The following ALPK2 variants were observed in gnomAD, a reference collection of about 807,000 sequenced individuals.
ALPK2 encodes the protein alpha-protein kinase 2.
ALPK2 carries 127 observed loss-of-function variants against 163.1 expected under a neutral mutation model. The ratio of observed to expected loss-of-function variants is 0.78; its 90% CI spans 0.67 to 0.90. The LOEUF (loss-of-function observed/expected upper bound fraction) is 0.90. Among genes scored for constraint, ALPK2 ranks in the 40% least tolerant of loss-of-function variants. The pLI is 0.00. For missense variants in ALPK2, 2,360 were observed against 2,589.6 expected, an observed-to-expected ratio of 0.91 and a Z score of 1.92; for synonymous variants, 953 against 959.1, an observed-to-expected ratio of 0.99 and a Z score of 0.12.
At chr18:58,606,130 G>A (rs1343642410) in intron 3 of ALPK2, among the ~76,000 whole-genome samples, 1 of 152,126 alleles carries the variant, frequency 6.6e-6, no homozygotes, top group Non-Finnish European at 1.5e-5. Context: ...CCAAGCTGGA[G>A]TGCAGTGGTG....
chr18:58,598,190 G>A (rs1008240073), intron 3 of ALPK2, among the ~76,000 whole-genome samples: 1 of 152,260 alleles, frequency 6.6e-6, no homozygotes, highest in African/African-American at 2.4e-5. Flanking sequence ...TGAGGCCCAG[G>A]TGTGGGGTGT....
At chr18:58,503,890 C>T in intron 11 of ALPK2, 41 bp downstream of exon 11, 1 of 1,571,812 alleles carries the variant, frequency 6.4e-7, no homozygotes, top group Non-Finnish European at 8.7e-7. Flanking sequence ...CATCTCTGGC[C>T]CACAGCATCC....
intron 1 of ALPK2, among the ~76,000 whole-genome samples, chr18:58,613,187 A>T (rs1349290845): frequency 6.6e-6 from 1 of 152,212 alleles, no homozygotes; most frequent in Non-Finnish European, 1.5e-5. Flanking sequence ...AGGACAGTTC[A>T]AGGTCTCACC....
intron 4 of ALPK2, among the ~76,000 whole-genome samples, chr18:58,541,283 C>T (rs1602209254): frequency 1.3e-5 from 2 of 152,226 alleles, no homozygotes; most frequent in Admixed American, 1.3e-4. Flanking sequence ...GGACCAAGAG[C>T]GAGCAAGGGG....
chr18:58,487,869 C>G (rs975907063), intron 12 of ALPK2, among the ~76,000 whole-genome samples: 2 of 118,446 alleles, frequency 1.7e-5, no homozygotes, highest in Non-Finnish European at 3.9e-5. Flanking sequence ...AAAACAAAAA[C>G]AAAAACAAAA....
Position 58,534,866 on chromosome 18 carries a change from G to C in ALPK2, c.5321C>G (p.Pro1774Arg). The C allele has an allele frequency of 6.2e-7, 1 of 1,608,972 alleles. No individual in the cohort carries two copies. Among genetic ancestry groups the C allele is most frequent in the Non-Finnish European group, 8.5e-7 (1 of 1,178,398 alleles). The part of the protein sequence containing the change: ...SLSHTEEKQD[P>R]KKPSCKREGR... Reference sequence around the variant, plus strand: ...TTCTCTTTTGCAAGATGGCTTTTTTGGGTCTTGTTTCTCTTCTGTGTGTGA... The same window carrying C: ...TTCTCTTTTGCAAGATGGCTTTTTTCGGTCTTGTTTCTCTTCTGTGTGTGA... Residue 1774 changes from proline to arginine, a missense_variant, in exon 5 of 13, where the codon CCA becomes CGA. Pro to Arg is a moderately radical substitution (Grantham distance 103, BLOSUM62 -2). Coordinates refer to ENST00000361673, the MANE Select transcript of ALPK2 (RefSeq NM_052947.4).
chr18:58,622,202 C>G (rs904326526), intron 1 of ALPK2, among the ~76,000 whole-genome samples: 2 of 151,988 alleles, frequency 1.3e-5, no homozygotes, highest in African/African-American at 2.4e-5. Context: ...CAAAAATTAG[C>G]CGGGTGTGGT....
chr18:58,613,464 G>A lies in ALPK2; in HGVS notation c.-20-1647C>T, dbSNP rs959381814. Among the ~76,000 whole-genome samples the A allele has an allele frequency of 5.3e-5, 8 of 152,118 alleles. No individual in the cohort carries two copies. The East Asian group carries it at 1.5e-3, about 29-fold the overall frequency. Reference sequence around the variant, plus strand: ...CATCCCAGCACTTTGGGAGGCTGAGGCGGGCGGATCACAAGGTCAGGAGTT... The same window carrying A: ...CATCCCAGCACTTTGGGAGGCTGAGACGGGCGGATCACAAGGTCAGGAGTT... On this transcript the variant is annotated intron_variant, in intron 1 of 12. Transcript: ENST00000361673.
chr18:58,623,038 T>G (rs949844705), intron 1 of ALPK2, among the ~76,000 whole-genome samples: 1 of 152,108 alleles, frequency 6.6e-6, no homozygotes. Context: ...TGTAGTTAAC[T>G]GAGCTAGAAC....
rs2051434621 is a variant in ALPK2 at position 58,502,134 on chromosome 18, C to CACA, written c.6247+1796_6247+1797insTGT. 5.9e-3 allele frequency among the ~76,000 whole-genome samples: 703 copies of CACA among 118,828 alleles called. 6 individuals are homozygous for CACA. Among genetic ancestry groups the CACA allele is most frequent in the Non-Finnish European group, 8.3e-3 (496 of 59,988 alleles). The allele number at this position is 118,828 out of a possible 152,430, so 78.0% of individuals were successfully genotyped here. On this transcript the variant is annotated intron_variant, in intron 11 of 12. Transcript: ENST00000361673. ...TGAGCAACAAAGTGAAACCCCATCT[C>CACA]CACACACACACACACACACACACAC...
chr18:58,606,219 C>T (rs1171533716), intron 3 of ALPK2, among the ~76,000 whole-genome samples: 1 of 152,176 alleles, frequency 6.6e-6, no homozygotes, highest in East Asian at 1.9e-4. Context: ...ACTGGGACTA[C>T]AGGCACGAGC....
Position 58,536,658 on chromosome 18 carries a change from C to T in ALPK2, c.3529G>A (p.Ala1177Thr), listed in dbSNP as rs757899771. 3 of 1,614,026 alleles carry T rather than the reference C, an allele frequency of 1.9e-6. No homozygotes were observed. The highest frequency in any genetic ancestry group is 1.3e-5 in the African/African-American group (1 of 74,906). The change falls in exon 5 of 13, where the codon GCA becomes ACA. Residue 1177 changes from alanine to threonine, a missense_variant. Transcript: ENST00000361673. ...RNLVPTAHSP[A>T]SSREGAGQRS... is the part of the protein sequence containing the mutation. Reference sequence around the variant, plus strand: ...TGCCCTGCTCCTTCCCTAGAGCTTGCGGGTGAGTGGGCCGTGGGCACCAAG... The same window carrying T: ...TGCCCTGCTCCTTCCCTAGAGCTTGTGGGTGAGTGGGCCGTGGGCACCAAG...
intron 4 of ALPK2, among the ~76,000 whole-genome samples, chr18:58,540,906 A>G (rs1236491810): frequency 1.3e-5 from 2 of 152,236 alleles, no homozygotes; most frequent in Non-Finnish European, 1.5e-5. Context: ...ATTGATTACT[A>G]TTACATCAGC....
At chr18:58,620,805 A>G (rs1490303410) in intron 1 of ALPK2, among the ~76,000 whole-genome samples, 1 of 152,258 alleles carries the variant, frequency 6.6e-6, no homozygotes, top group Non-Finnish European at 1.5e-5. Flanking sequence ...GAATGTGGTT[A>G]TTGTATATCT....
intron 5 of ALPK2, among the ~76,000 whole-genome samples, chr18:58,532,422 G>T (rs1216351122): frequency 1.3e-5 from 2 of 152,206 alleles, no homozygotes; most frequent in Non-Finnish European, 2.9e-5. Flanking sequence ...GGCAAAACCT[G>T]CCTGGGACTC....
chr18:58,607,491 A>G lies in ALPK2; in HGVS notation c.110-52T>C, dbSNP rs201173051. ...TTATTAGTTTAAGTATTTTTAGGAA[A>G]AAAAAAAAAACCCATAAAGCTATGA... is the stretch of plus-strand genomic sequence containing the variant. On this transcript the variant is annotated intron_variant, in intron 2 of 12. Transcript: ENST00000361673. The G allele has an allele frequency of 1.2e-4, 144 of 1,222,188 alleles. 1 individual carries two copies. The highest frequency in any genetic ancestry group is 5.9e-4 in the Admixed American group (23 of 38,866). 75.7% of individuals were successfully genotyped at this position (1,222,188 alleles called of 1,614,324 possible). A position where few individuals can be genotyped will look rare whatever the true frequency, so the allele number is the denominator to read the frequency against.
chr18:58,591,678 C>G (rs139946329), intron 3 of ALPK2, among the ~76,000 whole-genome samples: 2 of 152,164 alleles, frequency 1.3e-5, no homozygotes, highest in East Asian at 3.9e-4. Flanking sequence ...GAAGGAATAG[C>G]CTAAATGTGG....
At chr18:58,574,919 AT>A (rs2144192767) in intron 4 of ALPK2, among the ~76,000 whole-genome samples, 1 of 152,298 alleles carries the variant, frequency 6.6e-6, no homozygotes, top group South Asian at 2.1e-4. Context: ...GATCATTAGA[AT>A]CACACCTAAC....
chr18:58,520,422 C>A (rs2051543678), intron 8 of ALPK2, among the ~76,000 whole-genome samples: 1 of 90,738 alleles, frequency 1.1e-5, no homozygotes, highest in Non-Finnish European at 2.1e-5. Flanking sequence ...GAATGAGACT[C>A]CGTCTCAAAA....
Sources: allele counts gnomAD v4.1 joint callset (sites outside exome capture counted in the v4.1 genomes callset), GRCh38; gene constraint gnomAD v4.1.1; transcripts MANE v1.5; gene names NCBI Gene and HGNC (gene_info 2026-07-23, HGNC 2026-07-21).